CPNE3: variants seen among roughly 807,000 people sequenced by gnomAD.
CPNE3 encodes copine-3.
CPNE3 carries 68 observed loss-of-function variants against 63.9 expected under a neutral mutation model. That is an observed-to-expected ratio of 1.06 (90% CI 0.87 to 1.30). The LOEUF (loss-of-function observed/expected upper bound fraction) is 1.30. Ranked by LOEUF, CPNE3 falls within the 50% of genes most tolerant of loss-of-function variation. The probability of loss-of-function intolerance (pLI) is 0.00; values close to 1 mark genes in which losing one functional copy is unlikely to be tolerated. For missense variants in CPNE3, 665 were observed against 578.1 expected (o/e 1.15, Z -1.54); for synonymous variants, 219 against 197.5 (o/e 1.11, Z -0.91).
At chr8:86,514,638 G>C (rs1370932386) in intron 1 of CPNE3, 97 bp downstream of exon 1, 1 of 152,208 alleles carries the variant, frequency 6.6e-6, no homozygotes, top group Non-Finnish European at 1.5e-5. Flanking sequence ...TGGAGGATCC[G>C]AGCCCGCAGG....
rs869225401 is a variant in CPNE3, at chr8:86,527,946, A to ATTTTTTTTTTTTTTTTTTTTT, written c.-10-585_-10-565dup. ...AAATTTATAGTTAAGGTAAAAAGAA[A>ATTTTTTTTTTTTTTTTTTTTT]TTTTTTTTTTTTTTTTTTTTTTTTT... On this transcript the variant is annotated intron_variant, in intron 2 of 16. Transcript: ENST00000517490. Among the ~76,000 whole-genome samples the ATTTTTTTTTTTTTTTTTTTTT allele has an allele frequency of 1.4e-3, 119 of 85,970 alleles. 11 individuals carry two copies. Among genetic ancestry groups the ATTTTTTTTTTTTTTTTTTTTT allele is most frequent in the African/African-American group, 6.2e-3 (110 of 17,656 alleles). 56.4% of individuals were successfully genotyped at this position (85,970 alleles called of 152,430 possible). A position where few individuals can be genotyped will look rare whatever the true frequency, so the allele number is the denominator to read the frequency against.
intron 2 of CPNE3, among the ~76,000 whole-genome samples, chr8:86,518,784 T>C (rs1820369576): frequency 6.6e-6 from 1 of 152,172 alleles, no homozygotes; most frequent in African/African-American, 2.4e-5. Flanking sequence ...TTTATTTATT[T>C]ATTTGTGAGA....
intron 14 of CPNE3, among the ~76,000 whole-genome samples, chr8:86,552,835 T>G (rs2131497438): frequency 7.2e-6 from 1 of 138,242 alleles, no homozygotes; most frequent in African/African-American, 2.5e-5. Context: ...TTATTATTAT[T>G]AATTTTTTTT....
chr8:86,517,974 G>A (rs1820352414), intron 2 of CPNE3, among the ~76,000 whole-genome samples: 1 of 152,182 alleles, frequency 6.6e-6, no homozygotes, highest in African/African-American at 2.4e-5. Context: ...AAGCAACCAG[G>A]ACATGAATAT....
At chr8:86,520,439 C>G (rs958753175) in intron 2 of CPNE3, among the ~76,000 whole-genome samples, 8 of 148,464 alleles carry the variant, frequency 5.4e-5, no homozygotes, top group African/African-American at 1.5e-4. Flanking sequence ...CCTGTAATCC[C>G]AGCAACTCAG....
intron 14 of CPNE3, 96 bp downstream of exon 14, chr8:86,551,330 A>T (rs577934540): frequency 1.2e-6 from 1 of 865,380 alleles, no homozygotes; most frequent in East Asian, 2.5e-5. Flanking sequence ...TTGTGATTAA[A>T]ACTACTCAAA....
In CPNE3 at chr8:86,528,828, C is replaced by T; in HGVS notation, c.133-117C>T. On this transcript the variant is annotated intron_variant, in intron 3 of 16. Coordinates refer to ENST00000517490, the MANE Select transcript of CPNE3 (RefSeq NM_003909.5). Reference sequence around the variant, plus strand: ...CCTTGATTGTAGAATTTTTCATACACATATAGAAACTTCCTTTAGTTGTCA... The same window carrying T: ...CCTTGATTGTAGAATTTTTCATACATATATAGAAACTTCCTTTAGTTGTCA... The T allele has an allele frequency of 3.1e-6, 4 of 1,293,992 alleles. No individual in the cohort carries two copies. The Admixed American group carries it at 1.0e-4, about 34-fold the overall frequency. The allele number at this position is 1,293,992 out of a possible 1,614,324, so 80.2% of individuals were successfully genotyped here.
chr8:86,520,554 CAA>C (rs535323913), intron 2 of CPNE3, among the ~76,000 whole-genome samples: 1 of 130,610 alleles, frequency 7.7e-6, no homozygotes. Flanking sequence ...AAGTCCATCT[CAA>C]AAAAAAAAAA....
intron 16 of CPNE3, among the ~76,000 whole-genome samples, chr8:86,557,435 C>T (rs1821348307): frequency 6.6e-6 from 1 of 152,192 alleles, no homozygotes; most frequent in African/African-American, 2.4e-5. Flanking sequence ...CGCACCCAGC[C>T]TATTCATGGA....
In CPNE3 at chr8:86,560,079, A is replaced by AT. The variant is rs767595212; in HGVS notation, c.*1670dup. On this transcript the variant is annotated 3_prime_UTR_variant, in exon 17 of 17. Transcript: ENST00000517490. ...TCCCACTTGGCTAGCTGTCCTTTGG[A>AT]TATGTGCTGTTAACTGGGGAAGGCA... The AT allele has an allele frequency of 6.6e-6, 1 of 152,132 alleles. No homozygotes were observed. Among genetic ancestry groups the AT allele is most frequent in the Non-Finnish European group, 1.5e-5 (1 of 68,058 alleles). 9.4% of individuals were successfully genotyped at this position (152,132 alleles called of 1,614,324 possible).
intron 2 of CPNE3, among the ~76,000 whole-genome samples, chr8:86,517,470 G>A (rs1213978439): frequency 6.6e-6 from 1 of 152,110 alleles, no homozygotes; most frequent in Non-Finnish European, 1.5e-5. Context: ...TAGACTTCAA[G>A]GTGACGGTCA....
intron 2 of CPNE3, among the ~76,000 whole-genome samples, chr8:86,523,461 C>T (rs139705437): frequency 1.2e-3 from 181 of 152,082 alleles, no homozygotes; most frequent in African/African-American, 3.7e-3. Context: ...AGTATATAGA[C>T]GGAGTGATGA....
chr8:86,544,240 A>G (rs1821002680), intron 8 of CPNE3, among the ~76,000 whole-genome samples: 1 of 152,286 alleles, frequency 6.6e-6, no homozygotes, highest in East Asian at 1.9e-4. Flanking sequence ...ATACAAGCCA[A>G]CCTCACCAGA....
rs1821326254 is a variant in CPNE3, at chr8:86,556,309, C to T, written c.1462C>T (p.Gln488Ter). The T allele has an allele frequency of 3.4e-6, 3 of 872,986 alleles. No homozygotes were observed. The East Asian group carries it at 7.2e-5, about 21-fold the overall frequency. The allele number at this position is 872,986 out of a possible 1,614,324, so 54.1% of individuals were successfully genotyped here. ...CGAAGTGGCCATCAGAGATATTGTC[C>T]AGTTTGTGCCTTTCAGACAGTTCCA... ...LGEVAIRDIV[Q>*]FVPFRQFQNA... The change falls in exon 16 of 17, where the codon CAG (glutamine) becomes TAG (stop). Residue 488 changes from glutamine to a stop codon, truncating the protein, a stop_gained. Transcript: ENST00000517490. LOFTEE classifies it high-confidence loss of function.
chr8:86,530,072 CTGTTTGAAAGAACCTA>C (rs1287392733), intron 4 of CPNE3, among the ~76,000 whole-genome samples: 2 of 151,692 alleles, frequency 1.3e-5, no homozygotes, highest in Non-Finnish European at 2.9e-5. Flanking sequence ...AGATGTATAT[CTGTTTGAAAGAACCTA>C]AGTATACTAT....
chr8:86,552,745 C>T (rs1056597500), intron 14 of CPNE3, among the ~76,000 whole-genome samples: 19 of 150,066 alleles, frequency 1.3e-4, no homozygotes, highest in Admixed American at 1.2e-3. Context: ...TAACTTGTTA[C>T]TTTGATGCAT....
intron 8 of CPNE3, among the ~76,000 whole-genome samples, chr8:86,541,715 A>AC (rs1394740145): frequency 1.3e-5 from 2 of 151,790 alleles, no homozygotes; most frequent in Non-Finnish European, 2.9e-5. Flanking sequence ...TAAAAAAAAA[A>AC]AAAAAAAAAC....
chr8:86,529,058 C>T lies in CPNE3; in HGVS notation c.246C>T (p.Ile82=), dbSNP rs770032983. ...AATTGAAATTTGGGGTTTATGACAT[C>T]GACAACAAAACTATTGAGCTGAGTG... ...VQKLKFGVYD[I]DNKTIELSDD... The change falls in exon 4 of 17, where the codon ATC becomes ATT. Residue 82 remains isoleucine, a synonymous_variant. Transcript: ENST00000517490. 12 of 1,613,760 alleles carry T rather than the reference C, an allele frequency of 7.4e-6. No individual in the cohort carries two copies. The highest frequency in any genetic ancestry group is 3.3e-5 in the South Asian group (3 of 91,066).
chr8:86,551,889 C>T (rs1359929428), intron 14 of CPNE3, among the ~76,000 whole-genome samples: 1 of 152,224 alleles, frequency 6.6e-6, no homozygotes, highest in Non-Finnish European at 1.5e-5. Context: ...GAACTCTTGA[C>T]CTCAAGCTAT....
Sources: gnomAD v4.1 joint callset for allele counts (sites outside exome capture counted in the v4.1 genomes callset) on GRCh38, gnomAD v4.1.1 for gene constraint, MANE v1.5 for transcripts, NCBI Gene and HGNC (gene_info 2026-07-23, HGNC 2026-07-21) for gene names.